ADCY8: variants seen among roughly 807,000 people sequenced by gnomAD.
ADCY8 encodes the protein adenylate cyclase type 8.
Under a neutral mutation model 119.7 loss-of-function variants are expected in ADCY8, and 51 were observed. That is an observed-to-expected ratio of 0.43 (90% CI 0.34 to 0.54). The LOEUF (loss-of-function observed/expected upper bound fraction) is 0.54. ADCY8 is among the 20% of genes least tolerant of loss of function. The pLI is 0.03. For synonymous variants in ADCY8, 665 were observed against 651.0 expected (o/e 1.02, Z -0.33); for missense variants, 1,383 against 1,598.8 (o/e 0.87, Z 2.30).
chr8:131,018,759 C>T (rs1823559595), intron 1 of ADCY8, among the ~76,000 whole-genome samples: 1 of 152,148 alleles, frequency 6.6e-6, no homozygotes, highest in Admixed American at 6.5e-5. Context: ...GTGATGGTGT[C>T]AGAATTCAAG....
At chr8:131,030,475 A>G (rs551807556) in intron 1 of ADCY8, among the ~76,000 whole-genome samples, 1 of 152,288 alleles carries the variant, frequency 6.6e-6, no homozygotes, top group East Asian at 1.9e-4. Flanking sequence ...GATGTTTCAT[A>G]CTTTAGAGGT....
intron 1 of ADCY8, among the ~76,000 whole-genome samples, chr8:131,016,480 G>A (rs888538505): frequency 6.6e-6 from 1 of 152,088 alleles, no homozygotes; most frequent in African/African-American, 2.4e-5. Context: ...CTCTAGCCTG[G>A]GTGATCAATC....
chr8:130,871,942 T>TCA (rs113463954), intron 8 of ADCY8, among the ~76,000 whole-genome samples: 18 of 150,326 alleles, frequency 1.2e-4, no homozygotes, highest in South Asian at 2.1e-4. Context: ...AACTTGGCAA[T>TCA]CACACACACA....
intron 12 of ADCY8, among the ~76,000 whole-genome samples, chr8:130,827,989 C>G (rs531143163): frequency 6.6e-6 from 1 of 152,070 alleles, no homozygotes; most frequent in Non-Finnish European, 1.5e-5. Context: ...GTGTTTGAAC[C>G]GGCTTCCTTT....
chr8:131,034,875 A>G (rs765813680), intron 1 of ADCY8, among the ~76,000 whole-genome samples: 5 of 152,198 alleles, frequency 3.3e-5, no homozygotes, highest in Non-Finnish European at 5.9e-5. Flanking sequence ...GATTTCCACC[A>G]TCTTATCACT....
At chr8:130,852,529 C>CT (rs1415589963) in intron 9 of ADCY8, among the ~76,000 whole-genome samples, 1 of 152,142 alleles carries the variant, frequency 6.6e-6, no homozygotes, top group Non-Finnish European at 1.5e-5. Context: ...AATTGCAAGG[C>CT]TCATGTGGCT....
intron 14 of ADCY8, among the ~76,000 whole-genome samples, chr8:130,811,158 G>A (rs901698474): frequency 6.6e-6 from 1 of 152,110 alleles, no homozygotes; most frequent in African/African-American, 2.4e-5. Flanking sequence ...GGAGGGTGGA[G>A]TCTCCGCACC....
At chr8:130,939,065 C>CTAA (rs1820878804) in intron 4 of ADCY8, among the ~76,000 whole-genome samples, 7 of 151,688 alleles carry the variant, frequency 4.6e-5, no homozygotes, top group Admixed American at 3.9e-4. Context: ...AAAAAGAAAT[C>CTAA]AGAGGGTTTA....
chr8:130,965,977 C>A (rs1400899151), intron 2 of ADCY8, among the ~76,000 whole-genome samples: 1 of 152,164 alleles, frequency 6.6e-6, no homozygotes, highest in African/African-American at 2.4e-5. Flanking sequence ...CAGAACCCAA[C>A]ACAAGCTTAG....
intron 12 of ADCY8, among the ~76,000 whole-genome samples, chr8:130,831,765 A>G (rs566642046): frequency 6.6e-6 from 1 of 152,304 alleles, no homozygotes; most frequent in East Asian, 1.9e-4. Context: ...CATGCCTTTG[A>G]GGAGGGGGAA....
intron 14 of ADCY8, among the ~76,000 whole-genome samples, chr8:130,807,260 C>T (rs1417174291): frequency 1.3e-5 from 2 of 152,218 alleles, no homozygotes; most frequent in Non-Finnish European, 2.9e-5. Context: ...TAAGCCACCT[C>T]TCAGCATGGG....
chr8:130,884,765 G>T lies in ADCY8; in HGVS notation c.1912-4C>A. 3.1e-6 allele frequency: 5 copies of T among 1,613,698 alleles called. No homozygotes were observed. Among genetic ancestry groups the T allele is most frequent in the Non-Finnish European group, 4.2e-6 (5 of 1,179,698 alleles). On this transcript the variant is annotated splice_polypyrimidine_tract_variant and splice_region_variant and intron_variant, in intron 7 of 17. Transcript: ENST00000286355. ...TTCTTGTTAGGGCAGCCAGAGTCTA[G>T]GGGGAAAGCACATGCAAACACAATA...
chr8:131,020,299 C>A (rs1208544146), intron 1 of ADCY8, among the ~76,000 whole-genome samples: 1 of 152,108 alleles, frequency 6.6e-6, no homozygotes, highest in Non-Finnish European at 1.5e-5. Context: ...TGTAGTGAGG[C>A]TACTGTGATT....
chr8:131,012,192 G>T (rs996916511), intron 1 of ADCY8, among the ~76,000 whole-genome samples: 1 of 152,172 alleles, frequency 6.6e-6, no homozygotes, highest in Non-Finnish European at 1.5e-5. Context: ...GGTTCTTCAT[G>T]TCAAGTGACC....
intron 14 of ADCY8, among the ~76,000 whole-genome samples, chr8:130,802,270 C>A (rs553662069): frequency 6.6e-6 from 1 of 152,330 alleles, no homozygotes; most frequent in South Asian, 2.1e-4. Flanking sequence ...CCCATTGTAT[C>A]CATCTTCAAT....
At chr8:131,000,871 G>A (rs1052445231) in intron 1 of ADCY8, among the ~76,000 whole-genome samples, 2 of 152,010 alleles carry the variant, frequency 1.3e-5, no homozygotes, top group African/African-American at 2.4e-5. Flanking sequence ...TTGTCTGCAG[G>A]CCTTTCCAGC....
intron 1 of ADCY8, among the ~76,000 whole-genome samples, chr8:131,029,465 G>T (rs1221317168): frequency 6.6e-6 from 1 of 152,154 alleles, no homozygotes; most frequent in Non-Finnish European, 1.5e-5. Context: ...TCCAGAGCTG[G>T]GTATAGAGAT....
chr8:130,881,703 C>T (rs1231342622), intron 8 of ADCY8, among the ~76,000 whole-genome samples: 1 of 152,052 alleles, frequency 6.6e-6, no homozygotes, highest in African/African-American at 2.4e-5. Context: ...AAAATGTACA[C>T]CTTGACATCT....
intron 3 of ADCY8, among the ~76,000 whole-genome samples, chr8:130,945,348 C>CT (rs1385106521): frequency 2.0e-5 from 3 of 152,204 alleles, no homozygotes; most frequent in Non-Finnish European, 4.4e-5. Context: ...ACTAAGCTAC[C>CT]TTTGGCAGAG....
Sources: allele counts gnomAD v4.1 joint callset (sites outside exome capture counted in the v4.1 genomes callset), GRCh38; gene constraint gnomAD v4.1.1; transcripts MANE v1.5; gene names NCBI Gene and HGNC (gene_info 2026-07-23, HGNC 2026-07-21).